CSMD1: variants seen among roughly 807,000 people sequenced by gnomAD.
The protein encoded by CSMD1 is CUB and Sushi multiple domains 1.
CSMD1 carries 213 observed loss-of-function variants against 417.5 expected under a neutral mutation model. The ratio of observed to expected loss-of-function variants is 0.51; its 90% CI spans 0.46 to 0.57. The LOEUF (loss-of-function observed/expected upper bound fraction) is 0.57, where lower values mean the gene tolerates loss of function less well. Among genes scored for constraint, CSMD1 ranks in the 20% least tolerant of loss-of-function variants. The probability of loss-of-function intolerance (pLI) is 0.00; values close to 1 mark genes in which losing one functional copy is unlikely to be tolerated. For missense variants in CSMD1, 6,923 were observed against 4,529.7 expected (o/e 1.53, Z -15.17); for synonymous variants, 2,862 against 1,736.8 (o/e 1.65, Z -16.11).
In CSMD1 at chr8:4,630,793, C is replaced by T. The variant is rs147524424; in HGVS notation, c.302+6549G>A. Among the ~76,000 whole-genome samples the T allele has an allele frequency of 4.6e-5, 7 of 152,208 alleles. No individual in the cohort carries two copies. In the East Asian group the frequency reaches 7.8e-4, roughly 17 times the overall value. On this transcript the variant is annotated intron_variant, in intron 2 of 69. Coordinates refer to ENST00000635120, the MANE Select transcript of CSMD1 (RefSeq NM_033225.6). ...GGGTTTCTGTGATGTGTCATCTGTG[C>T]TCCAGTTAAGAAGTCACCTCTGTGT... is the stretch of plus-strand genomic sequence containing the variant.
At chr8:3,826,305 T>C (rs1049091940) in intron 5 of CSMD1, among the ~76,000 whole-genome samples, 2 of 151,528 alleles carry the variant, frequency 1.3e-5, no homozygotes, top group Non-Finnish European at 2.9e-5. Flanking sequence ...AGGTTGAGAT[T>C]GTCTTAACTG....
intron 1 of CSMD1, among the ~76,000 whole-genome samples, chr8:4,781,519 G>C (rs1797151672): frequency 1.3e-5 from 2 of 152,166 alleles, no homozygotes; most frequent in African/African-American, 4.8e-5. Context: ...ACATACAAGA[G>C]ATAATTAAAA....
chr8:4,627,004 C>G (rs1248903483), intron 2 of CSMD1, among the ~76,000 whole-genome samples: 1 of 152,102 alleles, frequency 6.6e-6, no homozygotes, highest in African/African-American at 2.4e-5. Context: ...CAAGTAATTG[C>G]TTCATACTCT....
chr8:2,944,887 T>G (rs1435771784), intron 68 of CSMD1, among the ~76,000 whole-genome samples: 1 of 152,180 alleles, frequency 6.6e-6, no homozygotes, highest in South Asian at 2.1e-4. Flanking sequence ...CTTTTATCCA[T>G]AATAGATAAC....
chr8:4,206,540 A>T (rs1310509182), intron 3 of CSMD1, among the ~76,000 whole-genome samples: 1 of 152,138 alleles, frequency 6.6e-6, no homozygotes, highest in Non-Finnish European at 1.5e-5. Context: ...GCTGCCTAGT[A>T]TTCCATGGTG....
At chr8:4,094,587 G>A (rs1008638488) in intron 3 of CSMD1, among the ~76,000 whole-genome samples, 2 of 152,114 alleles carry the variant, frequency 1.3e-5, no homozygotes, top group Non-Finnish European at 2.9e-5. Context: ...ATGGAGCACC[G>A]TGCTGTGCTT....
intron 7 of CSMD1, among the ~76,000 whole-genome samples, chr8:3,620,490 T>C (rs1186226294): frequency 6.6e-6 from 1 of 152,162 alleles, no homozygotes; most frequent in Non-Finnish European, 1.5e-5. Context: ...TTACATTATA[T>C]ATAAAGATGT....
intron 3 of CSMD1, among the ~76,000 whole-genome samples, chr8:4,082,028 G>C (rs1165719383): frequency 3.9e-5 from 6 of 152,032 alleles, no homozygotes; most frequent in Admixed American, 2.0e-4. Context: ...AAGGCAAATA[G>C]AGAAATTAGG....
At chr8:3,439,735 G>A (rs980630089) in intron 12 of CSMD1, among the ~76,000 whole-genome samples, 1 of 151,940 alleles carries the variant, frequency 6.6e-6, no homozygotes, top group Admixed American at 6.6e-5. Flanking sequence ...TATTTGCCTA[G>A]TCTCAGATTG....
At chr8:3,462,690 C>G (rs1454692701) in intron 12 of CSMD1, among the ~76,000 whole-genome samples, 1 of 152,116 alleles carries the variant, frequency 6.6e-6, no homozygotes, top group African/African-American at 2.4e-5. Flanking sequence ...ATAAAGTGCA[C>G]AGTAAATGCA....
intron 1 of CSMD1, among the ~76,000 whole-genome samples, chr8:4,949,635 C>T (rs6558946): frequency 0.91 from 138,514 of 152,174 alleles, 63,362 homozygotes; most frequent in Non-Finnish European, 0.96. Context: ...AACCAAGAAG[C>T]ATCTGACCCC....
intron 9 of CSMD1, 62 bp downstream of exon 9, chr8:3,586,074 C>A: frequency 6.5e-7 from 1 of 1,544,700 alleles, no homozygotes; most frequent in Non-Finnish European, 8.8e-7. Context: ...ATTGTATATT[C>A]ATAAAAATGC....
intron 3 of CSMD1, among the ~76,000 whole-genome samples, chr8:4,414,413 C>T (rs1796815427): frequency 6.6e-6 from 1 of 152,102 alleles, no homozygotes; most frequent in Admixed American, 6.5e-5. Flanking sequence ...CATTTTCTTT[C>T]ATAAAATAAA....
chr8:3,364,011 G>A (rs1437442921), intron 20 of CSMD1, among the ~76,000 whole-genome samples: 2 of 152,138 alleles, frequency 1.3e-5, no homozygotes, highest in African/African-American at 4.8e-5. Flanking sequence ...CTTTAATAAG[G>A]CCTTCTGAGA....
intron 3 of CSMD1, among the ~76,000 whole-genome samples, chr8:4,076,526 C>T (rs576478589): frequency 6.6e-6 from 1 of 151,766 alleles, no homozygotes; most frequent in African/African-American, 2.4e-5. Context: ...ACAAATAGAG[C>T]CAAAAACGAA....
intron 1 of CSMD1, among the ~76,000 whole-genome samples, chr8:4,654,554 G>A (rs1360144121): frequency 6.6e-6 from 1 of 152,056 alleles, no homozygotes; most frequent in East Asian, 1.9e-4. Context: ...GTTTAGAGGG[G>A]GAGGAATGGA....
At chr8:3,285,424 T>G (rs1803072482) in intron 25 of CSMD1, among the ~76,000 whole-genome samples, 1 of 151,188 alleles carries the variant, frequency 6.6e-6, no homozygotes, top group Non-Finnish European at 1.5e-5. Flanking sequence ...TGTCGCTCCC[T>G]CTCCTAGGCT....
intron 1 of CSMD1, among the ~76,000 whole-genome samples, chr8:4,896,159 A>G (rs1456368667): frequency 6.6e-6 from 1 of 152,106 alleles, no homozygotes; most frequent in Non-Finnish European, 1.5e-5. Flanking sequence ...AACATTTGAA[A>G]GATTGTTTCC....
At chr8:3,135,850 C>A (rs1818049449) in intron 41 of CSMD1, among the ~76,000 whole-genome samples, 1 of 152,020 alleles carries the variant, frequency 6.6e-6, no homozygotes, top group African/African-American at 2.4e-5. Flanking sequence ...GAAGCAGGGT[C>A]CTGTCCTTGC....
Sources: gnomAD v4.1 joint callset for allele counts (sites outside exome capture counted in the v4.1 genomes callset) on GRCh38, gnomAD v4.1.1 for gene constraint, MANE v1.5 for transcripts, NCBI Gene and HGNC (gene_info 2026-07-23, HGNC 2026-07-21) for gene names.